Variants in NLRP2 observed in about 807,000 individuals in gnomAD.
The protein encoded by NLRP2 is NACHT, LRR and PYD domains-containing protein 2.
Under a neutral mutation model 97.2 loss-of-function variants are expected in NLRP2, and 107 were observed. The ratio of observed to expected loss-of-function variants is 1.10; its 90% CI spans 0.94 to 1.29. NLRP2 has a LOEUF of 1.29. NLRP2 is among the 50% of genes most tolerant of loss of function. NLRP2 has a pLI of 0.00. For missense variants in NLRP2, 1,495 were observed against 1,330.3 expected, an observed-to-expected ratio of 1.12 and a Z score of -1.93; for synonymous variants, 663 against 551.5, an observed-to-expected ratio of 1.20 and a Z score of -2.83.
At chr19:54,997,582 T>A (rs1169063069) in intron 12 of NLRP2, 95 bp downstream of exon 12, 2 of 1,291,318 alleles carry the variant, frequency 1.5e-6, no homozygotes, top group Non-Finnish European at 2.2e-6. Context: ...ACTGATCTGG[T>A]AGCTGGATTA....
intron 7 of NLRP2, 47 bp downstream of exon 7, chr19:54,985,264 T>C: frequency 6.4e-7 from 1 of 1,555,742 alleles, no homozygotes. Flanking sequence ...GGTATGAAAA[T>C]GGTACAATGT....
chr19:54,970,943 G>A (rs1445898412), intron 2 of NLRP2, among the ~76,000 whole-genome samples: 1 of 137,484 alleles, frequency 7.3e-6, no homozygotes, highest in African/African-American at 2.7e-5. Flanking sequence ...CTAGCATTAG[G>A]TATATCTCCC....
At chr19:54,981,445 G>A (rs1482438477) in intron 4 of NLRP2, among the ~76,000 whole-genome samples, 172 bp from the exon 5 acceptor site, 4 of 151,990 alleles carry the variant, frequency 2.6e-5, no homozygotes, top group Admixed American at 1.3e-4. Flanking sequence ...TGGGATTATA[G>A]GCATGAGCCA....
intron 11 of NLRP2, among the ~76,000 whole-genome samples, chr19:54,996,817 A>T (rs771062652): frequency 6.6e-6 from 1 of 151,660 alleles, no homozygotes; most frequent in Non-Finnish European, 1.5e-5. Context: ...TTGTAGCCAG[A>T]ACCCCCAGTT....
chr19:54,999,181 CTTG>C (rs1174606813), intron 12 of NLRP2, among the ~76,000 whole-genome samples: 4 of 152,112 alleles, frequency 2.6e-5, no homozygotes, highest in South Asian at 2.1e-4. Flanking sequence ...GAGTTTTACT[CTTG>C]TTGTCCAGCC....
At chr19:54,984,546 G>A (rs1180289480) in intron 6 of NLRP2, among the ~76,000 whole-genome samples, 4 of 125,502 alleles carry the variant, frequency 3.2e-5, no homozygotes, top group East Asian at 2.3e-4. Context: ...GAAGTGGCTC[G>A]ATCTCGGCTC....
intron 4 of NLRP2, among the ~76,000 whole-genome samples, chr19:54,978,391 C>T (rs1339673803): frequency 5.9e-5 from 9 of 152,100 alleles, no homozygotes; most frequent in South Asian, 2.1e-4. Context: ...CATGCCACCA[C>T]GCCCAGCTAA....
In NLRP2 at chr19:54,997,332, C is replaced by T. The variant is rs769815470; in HGVS notation, c.2895C>T (p.Ser965=). 6.2e-6 allele frequency: 10 copies of T among 1,613,616 alleles called. No homozygotes were observed. In the African/African-American group the frequency reaches 9.3e-5, roughly 15 times the overall value. The change falls in exon 12 of 13, where the codon TCC becomes TCT. Residue 965 remains serine, a synonymous_variant. Transcript: ENST00000448584. ...NLRCLWLWGC[S]IPPFSCEDLC... ...GTTTCCCCAGGTTGTGGGGATGTTC[C>T]ATCCCTCCGTTCAGTTGTGAAGACC...
At position 54,982,562 on chromosome 19, in the gene NLRP2, C is replaced by T. The variant is rs777161045; in HGVS notation, c.864C>T (p.Asp288=). 51 of 1,614,062 alleles carry T rather than the reference C, an allele frequency of 3.2e-5. No homozygotes were observed. The highest frequency in any genetic ancestry group is 6.6e-5 in the South Asian group (6 of 91,092). The part of the protein sequence containing the change: ...AQARKILFVI[D]GFDELGAAPG... ...CACGGAAAATCTTGTTCGTGATTGA[C>T]GGCTTTGATGAGCTGGGAGCCGCAC... is the stretch of plus-strand genomic sequence containing the variant. Residue 288 remains aspartate (D), a synonymous_variant, in exon 6 of 13, where the codon GAC becomes GAT. Coordinates refer to ENST00000448584, the MANE Select transcript of NLRP2 (RefSeq NM_017852.5).
chr19:54,994,008 C>G, intron 10 of NLRP2: 1 of 565,650 alleles, frequency 1.8e-6, no homozygotes, highest in Non-Finnish European at 3.2e-6. Context: ...GCTGGACCTA[C>G]CCAAATAAAC....
rs8105408 is a variant in NLRP2, at chr19:54,968,939, G to A, written c.-17-1060G>A. On this transcript the variant is annotated intron_variant, in intron 1 of 12. Coordinates refer to ENST00000448584, the MANE Select transcript of NLRP2 (RefSeq NM_017852.5). ...GATGGTCTCGATCTCCTGACCTCAC[G>A]ATCCGCCCGCCTCGGCCTCCCAAAG... Among the ~76,000 whole-genome samples, 883 of 151,880 alleles carry A rather than the reference G, an allele frequency of 5.8e-3. 5 individuals are homozygous for A. Among genetic ancestry groups the A allele is most frequent in the Non-Finnish European group, 8.1e-3 (551 of 67,956 alleles).
chr19:54,977,390 C>T (rs1602333859), intron 3 of NLRP2, among the ~76,000 whole-genome samples: 1 of 151,818 alleles, frequency 6.6e-6, no homozygotes. Context: ...CATTGCATTC[C>T]AGCCTGGGCA....
intron 1 of NLRP2, among the ~76,000 whole-genome samples, chr19:54,969,727 A>AAGGCTCACTGCAGTTTCAGTCTCCC (rs2070722277): frequency 6.6e-6 from 1 of 152,140 alleles, no homozygotes; most frequent in Non-Finnish European, 1.5e-5. Flanking sequence ...TGGCACAATC[A>AAGGCTCACTGCAGTTTCAGTCTCCC]AGGCTCACTG....
intron 10 of NLRP2, 141 bp downstream of exon 10, chr19:54,990,813 G>A: frequency 1.3e-6 from 1 of 786,706 alleles, no homozygotes; most frequent in Non-Finnish European, 2.2e-6. Flanking sequence ...GTAAGACCTG[G>A]GTAGATGATG....
chr19:54,977,487 T>TTGTGTGTGTGTGTGTGTGTG (rs61515967), intron 3 of NLRP2, among the ~76,000 whole-genome samples: 4 of 147,422 alleles, frequency 2.7e-5, no homozygotes, highest in African/African-American at 5.0e-5. Context: ...CGTGAGTAGT[T>TTGTGTGTGTGTGTGTGTGTG]TGTGTGTGTG....
intron 3 of NLRP2, chr19:54,977,048 C>T: frequency 3.3e-6 from 1 of 307,392 alleles, no homozygotes; most frequent in Non-Finnish European, 6.3e-6. Context: ...CTCCTGACCT[C>T]ATGATCCGCC....
Position 54,982,318 on chromosome 19 carries a change from A to T in NLRP2, c.620A>T (p.Tyr207Phe), listed in dbSNP as rs1225444285. 1 of 1,614,076 alleles carries T rather than the reference A, an allele frequency of 6.2e-7. No homozygotes were observed. Residue 207 changes from tyrosine to phenylalanine, a missense_variant, in exon 6 of 13, where the codon TAC (tyrosine) becomes TTC (phenylalanine). Coordinates refer to ENST00000448584, the MANE Select transcript of NLRP2 (RefSeq NM_017852.5). ...NPRVLPGPFS[Y>F]TVVLYGPAGL... ...AGGGTGCTTCCCGGGCCCTTCTCAT[A>T]CACGGTGGTGCTGTATGGTCCTGCA...
chr19:54,984,500 T>TTTTTTTTTTTTTA (rs764786892), intron 6 of NLRP2, among the ~76,000 whole-genome samples: 15 of 132,920 alleles, frequency 1.1e-4, no homozygotes, highest in South Asian at 2.3e-4. Context: ...TTTTTTTTTT[T>TTTTTTTTTTTTTA]GAGACGGAGT....
chr19:54,977,848 G>A (rs2071343596), intron 4 of NLRP2, 25 bp downstream of exon 4: 1 of 1,609,406 alleles, frequency 6.2e-7, no homozygotes, highest in African/African-American at 1.3e-5. Context: ...CTCCAATGTT[G>A]GAGTCAGCTG....
Sources: gnomAD v4.1 joint callset for allele counts (sites outside exome capture counted in the v4.1 genomes callset) on GRCh38, gnomAD v4.1.1 for gene constraint, MANE v1.5 for transcripts, NCBI Gene and HGNC (gene_info 2026-07-23, HGNC 2026-07-21) for gene names.